Variants in KALRN observed in about 807,000 individuals in gnomAD.
The protein encoded by KALRN is kalirin RhoGEF kinase.
A neutral mutation model predicts 353.7 loss-of-function variants in KALRN; 70 were observed. The observed-to-expected ratio is 0.20, with a 90% CI of 0.16 to 0.24. The LOEUF is 0.24. KALRN is among the 10% of genes least tolerant of loss of function. The pLI is 1.00. For missense variants in KALRN, 2,791 were observed against 3,756.7 expected (o/e 0.74, Z 6.72); for synonymous variants, 1,391 against 1,434.8 (o/e 0.97, Z 0.69).
At chr3:124,465,757 T>A (rs2060273353) in intron 25 of KALRN, among the ~76,000 whole-genome samples, 1 of 152,204 alleles carries the variant, frequency 6.6e-6, no homozygotes, top group Non-Finnish European at 1.5e-5. Flanking sequence ...AACATGCTCC[T>A]CTCATTTCTA....
In KALRN at chr3:124,149,013, AT is replaced by A. The variant is rs534173793; in HGVS notation, c.74-78976del. On this transcript the variant is annotated intron_variant, in intron 1 of 59. Coordinates refer to ENST00000682506, the MANE Select transcript of KALRN (RefSeq NM_001388419.1). The stretch of plus-strand genomic sequence containing the variant: ...AATTTTCACAATAATTCTGATGGGT[AT>A]ATTTTATCATTATTATTTTATGACT... Among the ~76,000 whole-genome samples, 244 of 152,322 alleles carry A rather than the reference AT, an allele frequency of 1.6e-3. 1 individual carries two copies. The highest frequency in any genetic ancestry group is 2.8e-3 in the Non-Finnish European group (191 of 68,034).
chr3:124,435,759 A>C (rs2093438216), intron 17 of KALRN, among the ~76,000 whole-genome samples: 1 of 152,166 alleles, frequency 6.6e-6, no homozygotes, highest in Non-Finnish European at 1.5e-5. Context: ...GATGATAGAG[A>C]GCTTCCCCAG....
intron 34 of KALRN, among the ~76,000 whole-genome samples, chr3:124,565,720 T>C (rs1424309463): frequency 1.3e-5 from 2 of 152,146 alleles, no homozygotes; most frequent in East Asian, 3.9e-4. Flanking sequence ...CCTCCTAGCC[T>C]GAGGCTGGGT....
chr3:124,471,468 A>C (rs1577207575), intron 25 of KALRN, among the ~76,000 whole-genome samples: 1 of 151,532 alleles, frequency 6.6e-6, no homozygotes, highest in Non-Finnish European at 1.5e-5. Flanking sequence ...TGTATTTTTA[A>C]TAGAGACGGG....
At chr3:124,438,334 G>A (rs2093550755) in intron 17 of KALRN, among the ~76,000 whole-genome samples, 1 of 152,130 alleles carries the variant, frequency 6.6e-6, no homozygotes, top group African/African-American at 2.4e-5. Context: ...TGTGTATTTT[G>A]TAATAGAGGT....
At chr3:124,699,427 A>G (rs937171329) in intron 55 of KALRN, among the ~76,000 whole-genome samples, 18 of 152,258 alleles carry the variant, frequency 1.2e-4, no homozygotes, top group African/African-American at 4.3e-4. Flanking sequence ...TGAGAGAATT[A>G]TGTTGAAAAC....
chr3:124,188,196 A>T (rs1201133613), intron 1 of KALRN, among the ~76,000 whole-genome samples: 1 of 152,204 alleles, frequency 6.6e-6, no homozygotes, highest in African/African-American at 2.4e-5. Flanking sequence ...TTTTTAAAAA[A>T]TGCAGATTGC....
intron 34 of KALRN, among the ~76,000 whole-genome samples, chr3:124,588,692 C>A (rs1184527116): frequency 1.3e-5 from 2 of 152,132 alleles, no homozygotes; most frequent in Non-Finnish European, 2.9e-5. Flanking sequence ...TCCCAAAGTA[C>A]TGGGATTACA....
intron 9 of KALRN, among the ~76,000 whole-genome samples, chr3:124,345,756 T>C (rs1376970539): frequency 6.6e-6 from 1 of 152,208 alleles, no homozygotes; most frequent in Admixed American, 6.5e-5. Flanking sequence ...TACCTTTCTC[T>C]GAACTAGCAC....
chr3:124,408,355 C>A (rs1013948046), intron 13 of KALRN, among the ~76,000 whole-genome samples: 3 of 152,112 alleles, frequency 2.0e-5, no homozygotes, highest in African/African-American at 7.2e-5. Context: ...AGATATCCCC[C>A]AAAATCAATT....
intron 11 of KALRN, among the ~76,000 whole-genome samples, chr3:124,385,929 T>G (rs1006720129): frequency 6.6e-6 from 1 of 152,042 alleles, no homozygotes; most frequent in South Asian, 2.1e-4. Flanking sequence ...TAATAGAGTA[T>G]TAATTAAAGT....
intron 33 of KALRN, among the ~76,000 whole-genome samples, chr3:124,549,196 A>G (rs1469421938): frequency 1.4e-5 from 1 of 69,072 alleles, no homozygotes; most frequent in Non-Finnish European, 2.8e-5. Context: ...ACCATGATGT[A>G]GTCTATAAGC....
chr3:124,163,594 T>C, intron 1 of KALRN: 1 of 985,146 alleles, frequency 1.0e-6, no homozygotes, highest in Non-Finnish European at 1.2e-6. Context: ...ACATAATAGG[T>C]TGAACACATA....
intron 37 of KALRN, among the ~76,000 whole-genome samples, chr3:124,650,103 A>G (rs2083255070): frequency 6.6e-6 from 1 of 152,100 alleles, no homozygotes; most frequent in Non-Finnish European, 1.5e-5. Flanking sequence ...ACTTCTGCCA[A>G]TTTGCATAAT....
At chr3:124,237,864 C>T (rs766079404) in intron 3 of KALRN, among the ~76,000 whole-genome samples, 9 of 152,114 alleles carry the variant, frequency 5.9e-5, no homozygotes, top group African/African-American at 1.4e-4. Flanking sequence ...TGCATTGTAG[C>T]GTAGGAGATG....
chr3:124,519,980 G>A (rs2067025620), intron 33 of KALRN: 3 of 590,542 alleles, frequency 5.1e-6, no homozygotes, highest in Non-Finnish European at 6.4e-6. Context: ...CAATGAGCGT[G>A]TGTCCGGCAT....
chr3:124,329,365 C>T (rs996998362), intron 7 of KALRN, among the ~76,000 whole-genome samples: 12 of 152,186 alleles, frequency 7.9e-5, no homozygotes, highest in African/African-American at 2.4e-4. Flanking sequence ...GGGATGGTCT[C>T]TGCAAGTTTC....
chr3:124,534,344 G>C (rs1443100945), intron 33 of KALRN, among the ~76,000 whole-genome samples: 1 of 152,160 alleles, frequency 6.6e-6, no homozygotes, highest in Non-Finnish European at 1.5e-5. Context: ...GGGCACAGGA[G>C]GGGTAACAAC....
chr3:124,274,752 A>C (rs924139123), intron 5 of KALRN, among the ~76,000 whole-genome samples: 2 of 151,986 alleles, frequency 1.3e-5, no homozygotes, highest in Non-Finnish European at 2.9e-5. Flanking sequence ...CCCAAATGAG[A>C]ATCTCTCATT....
Sources: allele counts gnomAD v4.1 joint callset (sites outside exome capture counted in the v4.1 genomes callset), GRCh38; gene constraint gnomAD v4.1.1; transcripts MANE v1.5; gene names NCBI Gene and HGNC (gene_info 2026-07-23, HGNC 2026-07-21).